The following BMPR1A variants were observed in gnomAD, a reference collection of about 807,000 sequenced individuals.
BMPR1A encodes bone morphogenetic protein receptor type-1A.
Under a neutral mutation model 66.0 loss-of-function variants are expected in BMPR1A, and 7 were observed. The observed-to-expected ratio is 0.11, with a 90% CI of 0.06 to 0.20. The LOEUF (loss-of-function observed/expected upper bound fraction) is 0.20. Ranked by LOEUF, BMPR1A falls within the 10% of genes least tolerant of loss-of-function variation. BMPR1A has a pLI of 1.00. For missense variants in BMPR1A, 408 were observed against 669.1 expected, an observed-to-expected ratio of 0.61 and a Z score of 4.31; for synonymous variants, 200 against 229.7, an observed-to-expected ratio of 0.87 and a Z score of 1.17.
At chr10:86,800,696 C>A (rs373680609) in intron 1 of BMPR1A, among the ~76,000 whole-genome samples, 1 of 152,064 alleles carries the variant, frequency 6.6e-6, no homozygotes, top group Non-Finnish European at 1.5e-5. Context: ...CCTGGCCAGG[C>A]GATTTGTGTT....
chr10:86,899,983 A>AT (rs775347111), intron 6 of BMPR1A, 44 bp from the exon 7 acceptor site: 1 of 1,611,834 alleles, frequency 6.2e-7, no homozygotes, highest in Middle Eastern at 1.7e-4. Flanking sequence ...ACGTCAGATT[A>AT]TTTTTTCATT....
intron 2 of BMPR1A, among the ~76,000 whole-genome samples, chr10:86,857,930 T>C (rs1313459784): frequency 6.6e-6 from 1 of 152,096 alleles, no homozygotes; most frequent in African/African-American, 2.4e-5. Context: ...AGTGCTGTTA[T>C]TACAGGCAGA....
At chr10:86,772,331 C>T (rs1056173879) in intron 1 of BMPR1A, among the ~76,000 whole-genome samples, 23 of 151,738 alleles carry the variant, frequency 1.5e-4, no homozygotes, top group Admixed American at 3.9e-4. Context: ...GGGGTTTCAC[C>T]GTGTTAGCCA....
In BMPR1A at chr10:86,838,709, A is replaced by G. The variant is rs1363955870; in HGVS notation, c.-267-156A>G. Among the ~76,000 whole-genome samples, 5 of 152,154 alleles carry G rather than the reference A, an allele frequency of 3.3e-5. No homozygotes were observed. The South Asian group carries it at 1.0e-3, about 32-fold the overall frequency. ...TTGGGCAGAGGTTGAGGAAAATGGT[A>G]AAGTGATAGATTTCGTAAAAACTGT... On this transcript the variant is annotated intron_variant, in intron 1 of 12. Coordinates refer to ENST00000372037, the MANE Select transcript of BMPR1A (RefSeq NM_004329.3).
At chr10:86,858,506 A>G (rs1393276499) in intron 2 of BMPR1A, among the ~76,000 whole-genome samples, 2 of 152,194 alleles carry the variant, frequency 1.3e-5, no homozygotes, top group Non-Finnish European at 2.9e-5. Context: ...GAAAGGAGGA[A>G]GTCGAATTGC....
intron 1 of BMPR1A, among the ~76,000 whole-genome samples, chr10:86,793,219 G>T (rs1841656858): frequency 6.6e-6 from 1 of 151,804 alleles, no homozygotes. Flanking sequence ...GTTAGGAGAA[G>T]AGGAAGAAGA....
At chr10:86,877,144 T>G (rs558463849) in intron 3 of BMPR1A, among the ~76,000 whole-genome samples, 1 of 152,276 alleles carries the variant, frequency 6.6e-6, no homozygotes, top group South Asian at 2.1e-4. Flanking sequence ...ATCACAGTGA[T>G]CTGGATTAAT....
intron 1 of BMPR1A, among the ~76,000 whole-genome samples, chr10:86,762,900 T>C (rs193085912): frequency 6.6e-6 from 1 of 152,000 alleles, no homozygotes; most frequent in Non-Finnish European, 1.5e-5. Flanking sequence ...TTCAGTAGTA[T>C]TTATTTATTT....
At chr10:86,930,482 G>T (rs11202265), downstream of BMPR1A, 72,787 of 152,036 alleles carry the variant, frequency 0.48, 18,973 homozygotes, top group East Asian at 0.77. Context: ...TTTACCATGT[G>T]GGCCAGGCTG....
At chr10:86,805,403 C>A (rs529292923) in intron 1 of BMPR1A, among the ~76,000 whole-genome samples, 1 of 150,558 alleles carries the variant, frequency 6.6e-6, no homozygotes, top group Non-Finnish European at 1.5e-5. Context: ...CACACACACA[C>A]ACTTTTAAGA....
intron 1 of BMPR1A, among the ~76,000 whole-genome samples, chr10:86,782,184 T>C (rs891081080): frequency 3.7e-4 from 57 of 152,174 alleles, no homozygotes; most frequent in African/African-American, 1.3e-3. Flanking sequence ...TAGGGCTGAA[T>C]AATATCCAGT....
rs71019433 is a variant in BMPR1A, at chr10:86,837,247, C to CTGTGTGTGTGTGTGTG, written c.-267-1606_-267-1591dup. Among the ~76,000 whole-genome samples, 36 of 138,216 alleles carry CTGTGTGTGTGTGTGTG rather than the reference C, an allele frequency of 2.6e-4. No individual in the cohort carries two copies. In the East Asian group the frequency reaches 6.2e-3, roughly 24 times the overall value. The allele number at this position is 138,216 out of a possible 152,430, so 90.7% of individuals were successfully genotyped here. On this transcript the variant is annotated intron_variant, in intron 1 of 12. Transcript: ENST00000372037. ...AGAATCAGGCTGTGTGTGTGTGTGT[C>CTGTGTGTGTGTGTGTG]TGTGTGTGTGTGTGTGTGTGTGTGT...
At chr10:86,921,811 A>G in intron 11 of BMPR1A, 116 bp downstream of exon 11, 1 of 1,295,980 alleles carries the variant, frequency 7.7e-7, no homozygotes, top group Non-Finnish European at 1.1e-6. Flanking sequence ...AGGTGTATAT[A>G]TTATTGGATA....
intron 5 of BMPR1A, among the ~76,000 whole-genome samples, chr10:86,899,480 T>G (rs1465443294): frequency 1.3e-5 from 2 of 152,232 alleles, no homozygotes; most frequent in African/African-American, 4.8e-5. Flanking sequence ...ATCTTAAATC[T>G]CATCCACATC....
chr10:86,766,003 T>TTTTTTTTTTTTTTTG (rs1216917042), intron 1 of BMPR1A, among the ~76,000 whole-genome samples: 3 of 150,960 alleles, frequency 2.0e-5, no homozygotes, highest in African/African-American at 2.4e-5. Flanking sequence ...TTTTTTTTTT[T>TTTTTTTTTTTTTTTG]GAGGGAAGGT....
rs1416791070 is a variant in BMPR1A, at chr10:86,924,706, A to G, written c.*987A>G. The G allele has an allele frequency of 4.3e-6, 1 of 232,908 alleles. No individual in the cohort carries two copies. The highest frequency in any genetic ancestry group is 8.5e-6 in the Non-Finnish European group (1 of 117,942). 14.4% of individuals were successfully genotyped at this position (232,908 alleles called of 1,614,324 possible). On this transcript the variant is annotated 3_prime_UTR_variant, in exon 13 of 13. Transcript: ENST00000372037. Reference sequence around the variant, plus strand: ...GTAACTTTTAAAAGGGAAGTTATTTATATTTTGTGTATAATGTGCTTTATT... The same window carrying G: ...GTAACTTTTAAAAGGGAAGTTATTTGTATTTTGTGTATAATGTGCTTTATT...
At chr10:86,783,619 C>T (rs1236132140) in intron 1 of BMPR1A, among the ~76,000 whole-genome samples, 5 of 152,280 alleles carry the variant, frequency 3.3e-5, no homozygotes, top group East Asian at 1.9e-4. Context: ...AACGGGATCT[C>T]GTTCTGTCAC....
intron 7 of BMPR1A, among the ~76,000 whole-genome samples, chr10:86,900,823 A>G (rs553520815): frequency 9.9e-5 from 15 of 152,256 alleles, no homozygotes; most frequent in African/African-American, 3.4e-4. Context: ...TGCGAAAGTC[A>G]TATGATTATT....
intron 1 of BMPR1A, among the ~76,000 whole-genome samples, chr10:86,781,974 C>T (rs1010354605): frequency 1.4e-5 from 2 of 141,068 alleles, no homozygotes; most frequent in Non-Finnish European, 3.0e-5. Context: ...TCAAGTGATT[C>T]TTCTGCCTCA....
Sources: gnomAD v4.1 joint callset for allele counts (sites outside exome capture counted in the v4.1 genomes callset) on GRCh38, gnomAD v4.1.1 for gene constraint, MANE v1.5 for transcripts, NCBI Gene and HGNC (gene_info 2026-07-23, HGNC 2026-07-21) for gene names.